Variants in PARP11 observed in about 807,000 individuals in gnomAD.
The protein encoded by PARP11 is protein mono-ADP-ribosyltransferase PARP11.
A neutral mutation model predicts 42.9 loss-of-function variants in PARP11; 31 were observed. The observed-to-expected ratio is 0.72, with a 90% CI of 0.54 to 0.98. The LOEUF is 0.98. PARP11 is among the 50% of genes least tolerant of loss of function. The pLI is 0.00. For synonymous variants in PARP11, 137 were observed against 127.3 expected (o/e 1.08, Z -0.51); for missense variants, 365 against 413.1 (o/e 0.88, Z 1.01).
intron 7 of PARP11, among the ~76,000 whole-genome samples, chr12:3,812,698 A>AT (rs1947207044): frequency 6.6e-6 from 1 of 152,214 alleles, no homozygotes; most frequent in Admixed American, 6.5e-5. Context: ...CCACCAAAAT[A>AT]TAGCTATCAG....
At chr12:3,832,125 C>G (rs1342342955) in intron 1 of PARP11, 11 of 981,110 alleles carry the variant, frequency 1.1e-5, no homozygotes, top group Non-Finnish European at 1.3e-5. Context: ...TAAGACTTCG[C>G]TTTAGGCCAG....
In PARP11 at chr12:3,809,735, C is replaced by T. The variant is rs1795447479; in HGVS notation, c.*2388G>A. 1.3e-5 allele frequency: 2 copies of T among 152,190 alleles called. No homozygotes were observed. The highest frequency in any genetic ancestry group is 1.3e-4 in the Admixed American group (2 of 15,278). 9.4% of individuals were successfully genotyped at this position (152,190 alleles called of 1,614,324 possible). A position where few individuals can be genotyped will look rare whatever the true frequency, so the allele number is the denominator to read the frequency against. On this transcript the variant is annotated 3_prime_UTR_variant, in exon 8 of 8. Transcript: ENST00000228820. ...AAAAAGATTTTCAAAACCTGAATTC[C>T]TAATGTCTCTAACATTGTTTTTTGT...
chr12:3,817,737 A>G (rs1947320571), intron 6 of PARP11, among the ~76,000 whole-genome samples: 1 of 152,240 alleles, frequency 6.6e-6, no homozygotes, highest in South Asian at 2.1e-4. Context: ...TGTATGCCAC[A>G]TGCTCTGCAC....
chr12:3,864,811 G>T (rs1368969852), intron 1 of PARP11, among the ~76,000 whole-genome samples: 1 of 152,036 alleles, frequency 6.6e-6, no homozygotes, highest in African/African-American at 2.4e-5. Context: ...GATCTGCTGG[G>T]CTAGAAATTT....
chr12:3,842,079 C>T (rs1437162267), intron 1 of PARP11: 2 of 1,605,070 alleles, frequency 1.2e-6, no homozygotes, highest in African/African-American at 1.3e-5. Context: ...AGATTCTAAA[C>T]AGAGAGAGAG....
chr12:3,841,577 CTG>C, intron 1 of PARP11: 3 of 1,610,836 alleles, frequency 1.9e-6, no homozygotes, highest in Non-Finnish European at 2.5e-6. Context: ...TCTCAGGTGT[CTG>C]AAAGTCACGG....
chr12:3,839,738 G>A, intron 1 of PARP11: 1 of 1,121,950 alleles, frequency 8.9e-7, no homozygotes, highest in South Asian at 1.2e-5. Flanking sequence ...TTTTCAAATG[G>A]AAATCATTAT....
At chr12:3,859,589 A>G (rs998451760) in intron 1 of PARP11, among the ~76,000 whole-genome samples, 1 of 151,628 alleles carries the variant, frequency 6.6e-6, no homozygotes, top group Non-Finnish European at 1.5e-5. Flanking sequence ...GCAGATGTAA[A>G]TAATAATATA....
chr12:3,866,100 T>A (rs74056012), intron 1 of PARP11, among the ~76,000 whole-genome samples: 11,888 of 152,010 alleles, frequency 0.078, 1,019 homozygotes, highest in African/African-American at 0.21. Flanking sequence ...CTACCCATCA[T>A]CACTTAAAAA....
chr12:3,822,192 A>C lies in PARP11; in HGVS notation c.345-35T>G, dbSNP rs770777230. On this transcript the variant is annotated intron_variant, in intron 4 of 7. Transcript: ENST00000228820. ...GCAAAAGAGAAAACAAAATATCAGA[A>C]GCCGATTACAATTACTGTCAAGAAC... 2.6e-6 allele frequency: 4 copies of C among 1,515,622 alleles called. No individual in the cohort carries two copies. The East Asian group carries it at 9.0e-5, about 34-fold the overall frequency. 93.9% of individuals were successfully genotyped at this position (1,515,622 alleles called of 1,614,324 possible). A position where few individuals can be genotyped will look rare whatever the true frequency, so the allele number is the denominator to read the frequency against.
At chr12:3,848,702 C>T (rs1948043303) in intron 1 of PARP11, among the ~76,000 whole-genome samples, 2 of 152,020 alleles carry the variant, frequency 1.3e-5, no homozygotes, top group African/African-American at 2.4e-5. Flanking sequence ...AACTATGAAA[C>T]TACTAGAAGA....
intron 1 of PARP11, chr12:3,842,614 T>C (rs1947914541): frequency 2.5e-6 from 2 of 806,210 alleles, no homozygotes; most frequent in East Asian, 2.5e-5. Flanking sequence ...CAGTTGGAAC[T>C]CTTTCCTCTC....
At chr12:3,820,860 C>A (rs1415814381) in intron 6 of PARP11, among the ~76,000 whole-genome samples, 2 of 152,008 alleles carry the variant, frequency 1.3e-5, no homozygotes. Flanking sequence ...AGCTGAAAGC[C>A]CCTTATTACC....
intron 6 of PARP11, among the ~76,000 whole-genome samples, chr12:3,819,289 G>C (rs1371138982): frequency 6.6e-6 from 1 of 152,072 alleles, no homozygotes; most frequent in Non-Finnish European, 1.5e-5. Flanking sequence ...TACCACTTTG[G>C]GTCAGGCAAC....
chr12:3,839,966 G>C lies in PARP11; in HGVS notation c.19-9948C>G, dbSNP rs181710747. The stretch of plus-strand genomic sequence containing the variant: ...GCTGTTGCTGCTGCTGATGTGAATG[G>C]ATTTAAACCTTTGTCAGGCAACGAG... On this transcript the variant is annotated intron_variant, in intron 1 of 7. Coordinates refer to ENST00000228820, the MANE Select transcript of PARP11 (RefSeq NM_020367.6). 6 of 1,380,888 alleles carry C rather than the reference G, an allele frequency of 4.3e-6. No homozygotes were observed. In the East Asian group the frequency reaches 1.4e-4, roughly 32 times the overall value. The allele number at this position is 1,380,888 out of a possible 1,614,324, so 85.5% of individuals were successfully genotyped here. A position where few individuals can be genotyped will look rare whatever the true frequency, so the allele number is the denominator to read the frequency against.
At chr12:3,816,999 A>G (rs111230771) in intron 6 of PARP11, among the ~76,000 whole-genome samples, 20,058 of 152,014 alleles carry the variant, frequency 0.13, 1,451 homozygotes, top group African/African-American at 0.18. Flanking sequence ...AGACCATCCT[A>G]GCTAACATGG....
At chr12:3,867,053 T>C (rs1037182891) in intron 1 of PARP11, among the ~76,000 whole-genome samples, 1 of 152,226 alleles carries the variant, frequency 6.6e-6, no homozygotes, top group African/African-American at 2.4e-5. Flanking sequence ...TGAAAACTTA[T>C]AGTACAGGGA....
intron 1 of PARP11, among the ~76,000 whole-genome samples, chr12:3,838,715 A>G (rs570450796): frequency 1.3e-5 from 2 of 152,396 alleles, no homozygotes; most frequent in South Asian, 4.1e-4. Context: ...TAGTCTTAGC[A>G]AGGCTAAGAA....
chr12:3,846,560 TC>T (rs1457601927), intron 1 of PARP11, among the ~76,000 whole-genome samples: 1 of 150,288 alleles, frequency 6.7e-6, no homozygotes, highest in Non-Finnish European at 1.5e-5. Context: ...ATCGAGACCA[TC>T]CTGGCTAACA....
Sources: allele counts gnomAD v4.1 joint callset (sites outside exome capture counted in the v4.1 genomes callset), GRCh38; gene constraint gnomAD v4.1.1; transcripts MANE v1.5; gene names NCBI Gene and HGNC (gene_info 2026-07-23, HGNC 2026-07-21).